The following KSR1 variants were observed in gnomAD, a reference collection of about 807,000 sequenced individuals.
The protein encoded by KSR1 is kinase suppressor of ras 1.
KSR1 carries 35 observed loss-of-function variants against 92.9 expected under a neutral mutation model. The ratio of observed to expected loss-of-function variants is 0.38; its 90% CI spans 0.29 to 0.50. The LOEUF is 0.50. Ranked by LOEUF, KSR1 falls within the 20% of genes least tolerant of loss-of-function variation. The pLI, the probability that KSR1 is intolerant of heterozygous loss-of-function variation, is 0.94. For missense variants in KSR1, 972 were observed against 1,158.5 expected (o/e 0.84, Z 2.34); for synonymous variants, 467 against 472.6 (o/e 0.99, Z 0.15).
rs146213107 is a variant in KSR1 at position 27,609,454 on chromosome 17, C to G, written c.2225+125C>G. 1.8e-4 allele frequency: 226 copies of G among 1,273,058 alleles called. No individual in the cohort carries two copies. The East Asian group carries it at 5.2e-3, about 29-fold the overall frequency. The allele number at this position is 1,273,058 out of a possible 1,614,324, so 78.9% of individuals were successfully genotyped here. A position where few individuals can be genotyped will look rare whatever the true frequency, so the allele number is the denominator to read the frequency against. ...CCTCCCTGCAGGGAAGCCCAGGTCGCTTTGGTCCTGCCCTCGTAGTTCTGG... is the reference window on the plus strand; with the variant it reads ...CCTCCCTGCAGGGAAGCCCAGGTCGGTTTGGTCCTGCCCTCGTAGTTCTGG... On this transcript the variant is annotated intron_variant, in intron 16 of 20. Coordinates refer to ENST00000644974, the MANE Select transcript of KSR1 (RefSeq NM_001394583.1).
rs1037457194 is a variant in KSR1 at position 27,624,918 on chromosome 17, C to T, written c.*1526C>T. The T allele has an allele frequency of 6.6e-6, 1 of 152,346 alleles. No homozygotes were observed. Among genetic ancestry groups the T allele is most frequent in the African/African-American group, 2.4e-5 (1 of 41,474 alleles). The allele number at this position is 152,346 out of a possible 1,614,324, so 9.4% of individuals were successfully genotyped here. A position where few individuals can be genotyped will look rare whatever the true frequency, so the allele number is the denominator to read the frequency against. On this transcript the variant is annotated 3_prime_UTR_variant, in exon 21 of 21. Coordinates refer to ENST00000644974, the MANE Select transcript of KSR1 (RefSeq NM_001394583.1). ...CTGCCAGCAAGCTGTGGAGCTGCCT[C>T]CTCTCCAGGCCTGGCATCCCTTGGT...
At chr17:27,526,096 C>CTTTCTTTCTTTCTTTCTTTCTTTCTT (rs745956787) in intron 1 of KSR1, among the ~76,000 whole-genome samples, 27 of 112,682 alleles carry the variant, frequency 2.4e-4, no homozygotes, top group African/African-American at 1.0e-3. Flanking sequence ...TTCTTTCTTT[C>CTTTCTTTCTTTCTTTCTTTCTTTCTT]TCTCTCTCTC....
chr17:27,463,035 C>T (rs891265637), intron 1 of KSR1, among the ~76,000 whole-genome samples: 3 of 152,178 alleles, frequency 2.0e-5, no homozygotes, highest in African/African-American at 7.2e-5. Context: ...GGTGCTGCAA[C>T]GAGTATCTTC....
intron 20 of KSR1, chr17:27,621,880 G>A (rs745371408): frequency 1.9e-6 from 3 of 1,608,026 alleles, no homozygotes; most frequent in South Asian, 1.1e-5. Context: ...TCTGCATTGG[G>A]GCTATGATTC....
chr17:27,594,441 T>G (rs2073272810), intron 9 of KSR1, among the ~76,000 whole-genome samples: 1 of 151,836 alleles, frequency 6.6e-6, no homozygotes, highest in Admixed American at 6.6e-5. Context: ...CACCTGCCCA[T>G]CATGTTCAGT....
rs578040311 is a variant in KSR1 at position 27,539,098 on chromosome 17, A to G, written c.232-11470A>G. 3.7e-4 allele frequency among the ~76,000 whole-genome samples: 56 copies of G among 152,308 alleles called. 2 individuals are homozygous for G. In the South Asian group the frequency reaches 0.011, roughly 31 times the overall value. On this transcript the variant is annotated intron_variant, in intron 1 of 20. Transcript: ENST00000644974. Reference sequence around the variant, plus strand: ...CCATTGGCAGAAATCTACTTTTGCCATTAGGTGCAGCCTCTGCCTTTTTCA... The same window carrying G: ...CCATTGGCAGAAATCTACTTTTGCCGTTAGGTGCAGCCTCTGCCTTTTTCA...
At chr17:27,471,716 G>C (rs577230100) in intron 1 of KSR1, among the ~76,000 whole-genome samples, 1 of 152,154 alleles carries the variant, frequency 6.6e-6, no homozygotes, top group South Asian at 2.1e-4. Context: ...GCCGGGTTTC[G>C]TGCCAGGCAC....
chr17:27,560,395 A>G (rs1468831681), intron 2 of KSR1: 1 of 518,926 alleles, frequency 1.9e-6, no homozygotes, highest in South Asian at 1.4e-5. Flanking sequence ...TGAAAGCCAC[A>G]GGTTCCCCTG....
At chr17:27,596,489 G>T (rs2151204934) in intron 9 of KSR1, among the ~76,000 whole-genome samples, 1 of 152,356 alleles carries the variant, frequency 6.6e-6, no homozygotes, top group Non-Finnish European at 1.5e-5. Flanking sequence ...TGGAAGGGAT[G>T]ACATTAACAT....
intron 1 of KSR1, among the ~76,000 whole-genome samples, chr17:27,522,531 T>C (rs565300228): frequency 6.6e-6 from 1 of 152,182 alleles, no homozygotes; most frequent in Admixed American, 6.5e-5. Flanking sequence ...GGTGTTTCTT[T>C]CCAGCAGAGA....
chr17:27,605,553 C>T lies in KSR1; in HGVS notation c.1734C>T (p.Ser578=), dbSNP rs1207429732. The T allele has an allele frequency of 5.6e-6, 9 of 1,594,424 alleles. No individual in the cohort carries two copies. The highest frequency in any genetic ancestry group is 2.3e-5 in the East Asian group (1 of 43,974). The part of the protein sequence containing the change: ...GPISRKASQT[S]VYLQEWDIPF... ...TCTCTCGCAAGGCCAGCCAGACCAG[C>T]GTGTACCTGCAGGAGTGGGACATCC... Residue 578 remains serine (S), a synonymous_variant, in exon 14 of 21, where the codon AGC becomes AGT. Coordinates refer to ENST00000644974, the MANE Select transcript of KSR1 (RefSeq NM_001394583.1).
intron 1 of KSR1, among the ~76,000 whole-genome samples, chr17:27,469,672 T>C (rs1255312951): frequency 6.6e-6 from 1 of 152,146 alleles, no homozygotes; most frequent in Middle Eastern, 3.2e-3. Context: ...TGCCTGGTAC[T>C]TAGAAGGAGT....
chr17:27,623,793 A>G lies in KSR1; in HGVS notation c.*401A>G, dbSNP rs934132066. 11 of 541,044 alleles carry G rather than the reference A, an allele frequency of 2.0e-5. No individual in the cohort carries two copies. The highest frequency in any genetic ancestry group is 1.4e-4 in the African/African-American group (7 of 50,306). The allele number at this position is 541,044 out of a possible 1,614,324, so 33.5% of individuals were successfully genotyped here. On this transcript the variant is annotated 3_prime_UTR_variant, in exon 21 of 21. Coordinates refer to ENST00000644974, the MANE Select transcript of KSR1 (RefSeq NM_001394583.1). The stretch of plus-strand genomic sequence containing the variant: ...ATGCTGGGCCAGAAGGAAGACAAAC[A>G]TGGTAATTGCAGCTGTTCTTGGGGT...
chr17:27,568,436 T>C (rs1269976404), intron 2 of KSR1, among the ~76,000 whole-genome samples: 1 of 152,252 alleles, frequency 6.6e-6, no homozygotes, highest in Non-Finnish European at 1.5e-5. Context: ...GCCTATTTGA[T>C]AGTCTGGACG....
chr17:27,588,196 T>A (rs1464015195), intron 5 of KSR1: 8 of 260,882 alleles, frequency 3.1e-5, no homozygotes, highest in Non-Finnish European at 5.1e-5. Context: ...CTCTCCAGCC[T>A]GCCTTCTTCC....
chr17:27,555,543 TTCC>T (rs1403028732), intron 2 of KSR1, among the ~76,000 whole-genome samples: 2 of 149,956 alleles, frequency 1.3e-5, no homozygotes, highest in African/African-American at 5.0e-5. Context: ...TGTGTAGCAC[TTCC>T]GTGTGTAGCA....
intron 1 of KSR1, 124 bp from the exon 2 acceptor site, chr17:27,550,444 A>C: frequency 1.5e-6 from 1 of 686,166 alleles, no homozygotes; most frequent in East Asian, 2.5e-5. Context: ...AGCAGAGAGG[A>C]GAGCCAGCCC....
intron 1 of KSR1, among the ~76,000 whole-genome samples, chr17:27,526,082 T>TTCTC (rs1260217491): frequency 2.2e-5 from 2 of 89,270 alleles, no homozygotes; most frequent in South Asian, 3.8e-4. Context: ...CTTTCTTTCT[T>TTCTC]TCTTTCTTTC....
intron 18 of KSR1, among the ~76,000 whole-genome samples, chr17:27,616,740 CAT>C (rs1468475448): frequency 6.6e-6 from 1 of 152,176 alleles, no homozygotes; most frequent in Admixed American, 6.5e-5. Context: ...TGCTGGTACA[CAT>C]GTGGATCCTG....
Sources: allele counts gnomAD v4.1 joint callset (sites outside exome capture counted in the v4.1 genomes callset), GRCh38; gene constraint gnomAD v4.1.1; transcripts MANE v1.5; gene names NCBI Gene and HGNC (gene_info 2026-07-23, HGNC 2026-07-21).